The following DGKI variants were observed in gnomAD, a reference collection of about 807,000 sequenced individuals.
The protein encoded by DGKI is DAG kinase iota.
Under a neutral mutation model 147.5 loss-of-function variants are expected in DGKI, and 55 were observed. The ratio of observed to expected loss-of-function variants is 0.37; its 90% CI spans 0.30 to 0.47. The LOEUF is 0.47. Ranked by LOEUF, DGKI falls within the 20% of genes least tolerant of loss-of-function variation. DGKI has a pLI of 1.00. For missense variants in DGKI, 1,007 were observed against 1,323.8 expected, an observed-to-expected ratio of 0.76 and a Z score of 3.71; for synonymous variants, 469 against 477.1, an observed-to-expected ratio of 0.98 and a Z score of 0.22.
At chr7:137,506,075 C>T (rs1252755595) in intron 21 of DGKI, among the ~76,000 whole-genome samples, 1 of 152,206 alleles carries the variant, frequency 6.6e-6, no homozygotes, top group Non-Finnish European at 1.5e-5. Context: ...TAAATATACT[C>T]TTACCATGCA....
intron 23 of DGKI, among the ~76,000 whole-genome samples, chr7:137,471,084 C>A (rs1814864438): frequency 6.6e-6 from 1 of 152,186 alleles, no homozygotes; most frequent in South Asian, 2.1e-4. Context: ...CTAAGAGAAG[C>A]CTGCCAGTGA....
At chr7:137,586,831 T>C (rs573911938) in intron 13 of DGKI, among the ~76,000 whole-genome samples, 3 of 152,354 alleles carry the variant, frequency 2.0e-5, no homozygotes, top group Non-Finnish European at 4.4e-5. Context: ...CACTGTCTTT[T>C]AGTGGATACC....
At chr7:137,534,681 A>G (rs1250885165) in intron 20 of DGKI, among the ~76,000 whole-genome samples, 1 of 152,056 alleles carries the variant, frequency 6.6e-6, no homozygotes, top group Admixed American at 6.6e-5. Flanking sequence ...CAACTAAAAT[A>G]TTTATATAAA....
intron 1 of DGKI, among the ~76,000 whole-genome samples, chr7:137,774,360 T>A (rs1585475542): frequency 6.6e-6 from 1 of 152,186 alleles, no homozygotes; most frequent in African/African-American, 2.4e-5. Flanking sequence ...GAAGGTTACA[T>A]GTTTGTGAAA....
intron 28 of DGKI, among the ~76,000 whole-genome samples, chr7:137,435,213 CT>C (rs1444678940): frequency 6.6e-6 from 1 of 152,092 alleles, no homozygotes; most frequent in Non-Finnish European, 1.5e-5. Context: ...TCTCTATTCA[CT>C]GAGTTTATAG....
intron 1 of DGKI, among the ~76,000 whole-genome samples, chr7:137,715,670 G>A (rs962561234): frequency 6.6e-6 from 1 of 152,198 alleles, no homozygotes; most frequent in African/African-American, 2.4e-5. Context: ...GTGCCCTGTA[G>A]CATGCAAATG....
intron 19 of DGKI, among the ~76,000 whole-genome samples, chr7:137,553,509 G>A (rs1389631832): frequency 6.6e-6 from 1 of 152,030 alleles, no homozygotes; most frequent in East Asian, 1.9e-4. Context: ...TTAAAAGTCT[G>A]TCATTAAGGA....
At chr7:137,496,050 T>A (rs953889840) in intron 21 of DGKI, among the ~76,000 whole-genome samples, 8 of 152,114 alleles carry the variant, frequency 5.3e-5, no homozygotes, top group Non-Finnish European at 1.0e-4. Context: ...ATTCTATACA[T>A]AAAGAACCCT....
In DGKI at chr7:137,657,756, C is replaced by T. The variant is rs143586337; in HGVS notation, c.607-1216G>A. Reference sequence around the variant, plus strand: ...TGCTGAGGTATAATTTTTGAGTCAACTGTGTCAGGTAGGTGAGAAGAAATA... The same window carrying T: ...TGCTGAGGTATAATTTTTGAGTCAATTGTGTCAGGTAGGTGAGAAGAAATA... On this transcript the variant is annotated intron_variant, in intron 3 of 32. Transcript: ENST00000614521. Among the ~76,000 whole-genome samples the T allele has an allele frequency of 2.2e-3, 333 of 152,308 alleles. 2 individuals carry two copies. The highest frequency in any genetic ancestry group is 7.5e-3 in the African/African-American group (310 of 41,566).
intron 1 of DGKI, among the ~76,000 whole-genome samples, chr7:137,755,932 G>A (rs1029233498): frequency 1.3e-5 from 2 of 152,180 alleles, no homozygotes; most frequent in African/African-American, 4.8e-5. Flanking sequence ...AGTTCCTAAT[G>A]GGTAACCAAG....
At chr7:137,650,660 G>A (rs6947070) in intron 5 of DGKI, among the ~76,000 whole-genome samples, 16,021 of 152,194 alleles carry the variant, frequency 0.11, 2,389 homozygotes, top group African/African-American at 0.34. Flanking sequence ...ACAATGAGAA[G>A]GTGGCAGTCT....
chr7:137,773,326 T>C (rs1326551289), intron 1 of DGKI, among the ~76,000 whole-genome samples: 1 of 151,940 alleles, frequency 6.6e-6, no homozygotes, highest in African/African-American at 2.4e-5. Context: ...CTCACACCAG[T>C]AAAGGGGAAT....
chr7:137,680,158 A>G (rs1488699572), intron 2 of DGKI, among the ~76,000 whole-genome samples: 2 of 152,088 alleles, frequency 1.3e-5, no homozygotes, highest in East Asian at 1.9e-4. Context: ...TCATGCACAC[A>G]CCAAGGAAAA....
intron 10 of DGKI, among the ~76,000 whole-genome samples, chr7:137,600,935 G>A (rs543222551): frequency 7.4e-4 from 113 of 152,230 alleles, no homozygotes; most frequent in African/African-American, 2.7e-3. Context: ...CAGACATAAG[G>A]TCACTTTAGA....
intron 1 of DGKI, among the ~76,000 whole-genome samples, chr7:137,776,541 A>C (rs1450636394): frequency 3.9e-5 from 6 of 152,196 alleles, no homozygotes; most frequent in Non-Finnish European, 8.8e-5. Flanking sequence ...ATATAGAAGG[A>C]TTACACAACA....
intron 1 of DGKI, among the ~76,000 whole-genome samples, chr7:137,709,949 T>C (rs1794165587): frequency 1.3e-5 from 2 of 151,878 alleles, no homozygotes; most frequent in South Asian, 4.1e-4. Context: ...TGGGTTATAA[T>C]AGCAGACAGA....
chr7:137,772,123 G>C (rs1409407100), intron 1 of DGKI: 1 of 152,060 alleles, frequency 6.6e-6, no homozygotes. Flanking sequence ...CTTCCATGTT[G>C]GGAAAATTAA....
At chr7:137,601,169 G>A (rs1819976297) in intron 10 of DGKI, among the ~76,000 whole-genome samples, 1 of 152,086 alleles carries the variant, frequency 6.6e-6, no homozygotes, top group South Asian at 2.1e-4. Context: ...TACTCGGGAG[G>A]CTGAGGCAGG....
intron 1 of DGKI, among the ~76,000 whole-genome samples, chr7:137,696,679 C>G (rs1435224817): frequency 6.6e-6 from 1 of 151,626 alleles, no homozygotes; most frequent in African/African-American, 2.4e-5. Flanking sequence ...ACATTCTTCT[C>G]CTTATGGTAT....
Sources: allele counts gnomAD v4.1 joint callset (sites outside exome capture counted in the v4.1 genomes callset), GRCh38; gene constraint gnomAD v4.1.1; transcripts MANE v1.5; gene names NCBI Gene and HGNC (gene_info 2026-07-23, HGNC 2026-07-21).